AMPD2: variants seen among roughly 807,000 people sequenced by gnomAD.
The protein encoded by AMPD2 is AMP deaminase 2.
A neutral mutation model predicts 91.3 loss-of-function variants in AMPD2; 52 were observed. That is an observed-to-expected ratio of 0.57 (90% confidence interval 0.46 to 0.72). The LOEUF (loss-of-function observed/expected upper bound fraction) is 0.72. Ranked by LOEUF, AMPD2 falls within the 30% of genes least tolerant of loss-of-function variation. The pLI is 0.00. For synonymous variants in AMPD2, 455 were observed against 456.4 expected, an observed-to-expected ratio of 1.00 and a Z score of 0.04; for missense variants, 822 against 1,122.3, an observed-to-expected ratio of 0.73 and a Z score of 3.82.
At position 109,625,152 on chromosome 1, in the gene AMPD2, C is replaced by CA. The variant is rs1650552488; in HGVS notation, c.92-150dup. On this transcript the variant is annotated intron_variant, in intron 2 of 18. Coordinates refer to ENST00000528667, the MANE Select transcript of AMPD2 (RefSeq NM_001368809.2). The surrounding 1 kb of genome is among the most constrained non-coding windows in gnomAD (Gnocchi z 4.0). Reference sequence around the variant, plus strand: ...GTGAGGGTGAGCCCTTTGGGAGCCACACACACAGGCCTACTCCTCAGCTAC... The same window carrying CA: ...GTGAGGGTGAGCCCTTTGGGAGCCACAACACACAGGCCTACTCCTCAGCTAC... The CA allele has an allele frequency of 2.7e-6, 3 of 1,114,352 alleles. No homozygotes were observed. The highest frequency in any genetic ancestry group is 3.2e-5 in the South Asian group (2 of 61,770). The allele number at this position is 1,114,352 out of a possible 1,614,324, so 69.0% of individuals were successfully genotyped here.
At position 109,627,799 on chromosome 1, in the gene AMPD2, C is replaced by T. The variant is rs1402827183; in HGVS notation, c.976C>T (p.Gln326Ter). 1 of 1,614,166 alleles carries T rather than the reference C, an allele frequency of 6.2e-7. No homozygotes were observed. The highest frequency in any genetic ancestry group is 1.7e-5 in the Admixed American group (1 of 60,026). The change falls in exon 10 of 19, where the codon CAG becomes TAG. Residue 326 changes from glutamine to a stop codon, truncating the protein, a stop_gained. Transcript: ENST00000528667. LOFTEE classifies it high-confidence loss of function. The part of the protein sequence containing the change: ...PIKSFCYRRL[Q>*]YLSSKFQMHV... ...AAAGTCATTCTGCTACCGCCGGCTG[C>T]AGTACCTGAGCTCCAAGTTCCAGAT...
rs750235935 is a variant in AMPD2, at chr1:109,626,321, T to C, written c.425T>C (p.Leu142Pro). The C allele has an allele frequency of 1.2e-6, 2 of 1,613,434 alleles. No individual in the cohort carries two copies. Among genetic ancestry groups the C allele is most frequent in the African/African-American group, 1.3e-5 (1 of 74,952 alleles). The change falls in exon 6 of 19, where the codon CTC becomes CCC. Residue 142 changes from leucine (L) to proline (P), a missense_variant and splice_region_variant. Physicochemically the swap from Leu to Pro is moderately conservative, Grantham distance 98. Around this residue, in one of 5 missense-constraint regions of AMPD2, gnomAD observed 240 missense variants for 270.3 expected, o/e 0.89. Coordinates refer to ENST00000528667, the MANE Select transcript of AMPD2 (RefSeq NM_001368809.2). ...TCCCTTGAATGCACCCCCTGCAGGCTCTACAAGGAACAGGGTGAGGGGCAG... is the reference window on the plus strand; with the variant it reads ...TCCCTTGAATGCACCCCCTGCAGGCCCTACAAGGAACAGGGTGAGGGGCAG... ...LKTDSDSDLQ[L>P]YKEQGEGQGD...
Position 109,620,630 on chromosome 1 carries a change from G to C in AMPD2, c.-262-284G>C, listed in dbSNP as rs535581788. ...CCAGAGCTGGGCTACCCCGGGAGCT[G>C]AGGGTCAGATGTGGAAGGAAAGTGG... On this transcript the variant is annotated intron_variant, in intron 1 of 18. Coordinates refer to ENST00000528667, the MANE Select transcript of AMPD2 (RefSeq NM_001368809.2). 4 of 1,208,534 alleles carry C rather than the reference G, an allele frequency of 3.3e-6. No homozygotes were observed. In the African/African-American group the frequency reaches 4.7e-5, roughly 14 times the overall value. 74.9% of individuals were successfully genotyped at this position (1,208,534 alleles called of 1,614,324 possible). A position where few individuals can be genotyped will look rare whatever the true frequency, so the allele number is the denominator to read the frequency against.
At chr1:109,630,584 G>A in intron 17 of AMPD2, 99 bp from the exon 18 acceptor site, 1 of 822,642 alleles carries the variant, frequency 1.2e-6, no homozygotes. Flanking sequence ...TTGGGGGGAT[G>A]GGGGGGCGGG....
At position 109,625,402 on chromosome 1, in the gene AMPD2, C is replaced by A; in HGVS notation, c.191C>A (p.Ser64Tyr). The A allele has an allele frequency of 6.2e-7, 1 of 1,614,018 alleles. No homozygotes were observed. Among genetic ancestry groups the A allele is most frequent in the Non-Finnish European group, 8.5e-7 (1 of 1,179,998 alleles). Residue 64 changes from serine to tyrosine, a missense_variant, in exon 3 of 19, where the codon TCT becomes TAT. Physicochemically the swap from Ser to Tyr is moderately radical, Grantham distance 144. Around this residue, in one of 5 missense-constraint regions of AMPD2, gnomAD observed 105 missense variants for 125.0 expected, o/e 0.84. Coordinates refer to ENST00000528667, the MANE Select transcript of AMPD2 (RefSeq NM_001368809.2). The surrounding 1 kb of genome is among the most constrained non-coding windows in gnomAD (Gnocchi z 4.0). ...LKHFPLDLRT[S>Y]MDGKCKEIAE... ...CACTTCCCGCTCGACCTGCGCACGT[C>A]TATGGATGGCAAATGCAAGGAGATC...
rs1370569375 is a variant in AMPD2, at chr1:109,624,449, T to A, written c.92-854T>A. 6.6e-6 allele frequency among the ~76,000 whole-genome samples: 1 copy of A among 152,166 alleles called. No homozygotes were observed. The highest frequency in any genetic ancestry group is 1.5e-5 in the Non-Finnish European group (1 of 68,014). ...CCCTCTGGTGCCAGCCTCCTCGTGG[T>A]ACAGATGGAAAGTCTAGTCTTGATG... is the stretch of plus-strand genomic sequence containing the variant. On this transcript the variant is annotated intron_variant, in intron 2 of 18. Transcript: ENST00000528667. This position sits in a 1 kb window ranked among gnomAD's most constrained non-coding sequence, Gnocchi z 5.2.
Position 109,626,788 on chromosome 1 carries a change from G to T in AMPD2, c.594G>T (p.Glu198Asp). The part of the protein sequence containing the change: ...KSVVRALFIR[E>D]KYMALSLQSF... ...TGGTGCGGGCGCTCTTCATCCGGGAGAAGTACATGGCCCTGTCCCTGCAGA... is the reference window on the plus strand; with the variant it reads ...TGGTGCGGGCGCTCTTCATCCGGGATAAGTACATGGCCCTGTCCCTGCAGA... The change falls in exon 7 of 19, where the codon GAG (glutamate) becomes GAT (aspartate). Residue 198 changes from glutamate to aspartate, a missense_variant. Transcript: ENST00000528667. 6.2e-7 allele frequency: 1 copy of T among 1,613,844 alleles called. No homozygotes were observed. The highest frequency in any genetic ancestry group is 8.5e-7 in the Non-Finnish European group (1 of 1,179,888).
intron 6 of AMPD2, 50 bp from the exon 7 acceptor site, chr1:109,626,676 G>C: frequency 6.3e-7 from 1 of 1,576,872 alleles, no homozygotes. Flanking sequence ...TTAGGGAGGA[G>C]GTCTCTGAGT....
In AMPD2 at chr1:109,626,212, A is replaced by G. The variant is rs1650667049; in HGVS notation, c.406A>G (p.Ser136Gly). ...CAAGCAAGATTTCCTGAAGACGGACAGTGACTCGGACCTACAGTGAGGAGG... is the reference window on the plus strand; with the variant it reads ...CAAGCAAGATTTCCTGAAGACGGACGGTGACTCGGACCTACAGTGAGGAGG... ...RAKQDFLKTDSDSDLQLYKEQ... is the reference protein window; with the variant it reads ...RAKQDFLKTDGDSDLQLYKEQ... Residue 136 changes from serine (S) to glycine (G), a missense_variant, in exon 5 of 19, where the codon AGT becomes GGT. By Grantham distance (56) the Ser-to-Gly change is moderately conservative. Around this residue, in one of 5 missense-constraint regions of AMPD2, gnomAD observed 240 missense variants for 270.3 expected, o/e 0.89. Coordinates refer to ENST00000528667, the MANE Select transcript of AMPD2 (RefSeq NM_001368809.2). 1.1e-5 allele frequency: 17 copies of G among 1,614,084 alleles called. No individual in the cohort carries two copies. The highest frequency in any genetic ancestry group is 1.4e-5 in the Non-Finnish European group (16 of 1,180,034).
At position 109,627,417 on chromosome 1, in the gene AMPD2, C is replaced by T. The variant is rs1650800317; in HGVS notation, c.861-12C>T. 6.2e-7 allele frequency: 1 copy of T among 1,614,068 alleles called. No homozygotes were observed. Among genetic ancestry groups the T allele is most frequent in the African/African-American group, 1.3e-5 (1 of 75,014 alleles). ...GGCTTGCTCTCCTCACCCAAGCTCCCCTCCATGCCAGTTGCTCAGAGGTGG... is the reference window on the plus strand; with the variant it reads ...GGCTTGCTCTCCTCACCCAAGCTCCTCTCCATGCCAGTTGCTCAGAGGTGG... On this transcript the variant is annotated splice_polypyrimidine_tract_variant and intron_variant, in intron 8 of 18. Coordinates refer to ENST00000528667, the MANE Select transcript of AMPD2 (RefSeq NM_001368809.2).
Position 109,621,126 on chromosome 1 carries a change from C to A in AMPD2, c.-50C>A, listed in dbSNP as rs926767722. The A allele has an allele frequency of 5.1e-5, 81 of 1,598,694 alleles. No individual in the cohort carries two copies. Among genetic ancestry groups the A allele is most frequent in the Non-Finnish European group, 6.9e-5 (81 of 1,172,458 alleles). ...GGGTTGGATGTGGCAGAGCCAGGCC[C>A]CAGCCGGTGCCGCTCAGACTCCCCC... On this transcript the variant is annotated 5_prime_UTR_variant, in exon 2 of 19. Coordinates refer to ENST00000528667, the MANE Select transcript of AMPD2 (RefSeq NM_001368809.2).
Position 109,628,191 on chromosome 1 carries a change from G to C in AMPD2, c.1189G>C (p.Gly397Arg). Reference sequence around the variant, plus strand: ...GGAGGAGATCGTGCACGTGGAGCAGGGCCGTGAACAGACGCTGCGGGAGGT... The same window carrying C: ...GGAGGAGATCGTGCACGTGGAGCAGCGCCGTGAACAGACGCTGCGGGAGGT... ...HLEEIVHVEQ[G>R]REQTLREVFE... The change falls in exon 11 of 19, where the codon GGC (glycine) becomes CGC (arginine). Residue 397 changes from glycine (G) to arginine (R), a missense_variant. Around this residue, in one of 5 missense-constraint regions of AMPD2, gnomAD observed 430 missense variants for 606.0 expected, o/e 0.71. Coordinates refer to ENST00000528667, the MANE Select transcript of AMPD2 (RefSeq NM_001368809.2). The surrounding 1 kb of genome is among the most constrained non-coding windows in gnomAD (Gnocchi z 7.1). The C allele has an allele frequency of 2.5e-6, 4 of 1,614,040 alleles. No individual in the cohort carries two copies. Among genetic ancestry groups the C allele is most frequent in the Non-Finnish European group, 3.4e-6 (4 of 1,180,036 alleles).
Position 109,624,943 on chromosome 1 carries a change from G to A in AMPD2, c.92-360G>A, listed in dbSNP as rs896093368. Among the ~76,000 whole-genome samples, 1 of 152,172 alleles carries A rather than the reference G, an allele frequency of 6.6e-6. No individual in the cohort carries two copies. The highest frequency in any genetic ancestry group is 1.5e-5 in the Non-Finnish European group (1 of 68,012). Reference sequence around the variant, plus strand: ...TCTCTGAGGGTGTCTGTGTGCGTACGTGCATGTGTGTGCACACGTACACAC... The same window carrying A: ...TCTCTGAGGGTGTCTGTGTGCGTACATGCATGTGTGTGCACACGTACACAC... On this transcript the variant is annotated intron_variant, in intron 2 of 18. Coordinates refer to ENST00000528667, the MANE Select transcript of AMPD2 (RefSeq NM_001368809.2). This position sits in a 1 kb window ranked among gnomAD's most constrained non-coding sequence, Gnocchi z 5.2.
In AMPD2 at chr1:109,626,310, C is replaced by A. The variant is rs764193360; in HGVS notation, c.423-9C>A. The A allele has an allele frequency of 8.7e-6, 14 of 1,613,560 alleles. No homozygotes were observed. Among genetic ancestry groups the A allele is most frequent in the Non-Finnish European group, 1.1e-5 (13 of 1,179,654 alleles). ...CTCTAAACCCCTCCCTTGAATGCAC[C>A]CCCTGCAGGCTCTACAAGGAACAGG... On this transcript the variant is annotated splice_polypyrimidine_tract_variant and intron_variant, in intron 5 of 18. Coordinates refer to ENST00000528667, the MANE Select transcript of AMPD2 (RefSeq NM_001368809.2).
chr1:109,625,805 G>A lies in AMPD2; in HGVS notation c.353+13G>A. 6.2e-7 allele frequency: 1 copy of A among 1,613,910 alleles called. No individual in the cohort carries two copies. The highest frequency in any genetic ancestry group is 1.1e-5 in the South Asian group (1 of 91,070). ...GCCAGGATGTCAAGTGAGCCCGGCA[G>A]GCAGCTGCTTAGTCTCCCTCCATAC... is the stretch of plus-strand genomic sequence containing the variant. On this transcript the variant is annotated intron_variant, in intron 4 of 18. Coordinates refer to ENST00000528667, the MANE Select transcript of AMPD2 (RefSeq NM_001368809.2). This position sits in a 1 kb window ranked among gnomAD's most constrained non-coding sequence, Gnocchi z 4.0.
rs1043944844 is a variant in AMPD2, at chr1:109,619,952, A to G, written c.-589A>G. The G allele has an allele frequency of 4.7e-6, 2 of 422,894 alleles. No homozygotes were observed. The highest frequency in any genetic ancestry group is 8.9e-6 in the Non-Finnish European group (2 of 224,898). 26.2% of individuals were successfully genotyped at this position (422,894 alleles called of 1,614,324 possible). A position where few individuals can be genotyped will look rare whatever the true frequency, so the allele number is the denominator to read the frequency against. ...GACCCTGAATGCCCAGGGAGTGTTG[A>G]GAGAAATCTGGACGAGTTTCGGGTC... On this transcript the variant is annotated 5_prime_UTR_variant, in exon 1 of 19. The change abolishes the stop of an existing upstream ORF in the 5' untranslated region. Coordinates refer to ENST00000528667, the MANE Select transcript of AMPD2 (RefSeq NM_001368809.2).
chr1:109,628,578 G>C lies in AMPD2; in HGVS notation c.1408-65G>C. 1 of 1,611,246 alleles carries C rather than the reference G, an allele frequency of 6.2e-7. No individual in the cohort carries two copies. The highest frequency in any genetic ancestry group is 1.1e-5 in the South Asian group (1 of 90,862). On this transcript the variant is annotated intron_variant, in intron 12 of 18. Transcript: ENST00000528667. This position sits in a 1 kb window ranked among gnomAD's most constrained non-coding sequence, Gnocchi z 7.1. The stretch of plus-strand genomic sequence containing the variant: ...GGGTGAGACTCAAGGAGGGTAGGCA[G>C]ATGACCCCCTGAAGAGCTCTGACTC...
At chr1:109,626,623 G>A in intron 6 of AMPD2, 103 bp from the exon 7 acceptor site, 1 of 1,477,764 alleles carries the variant, frequency 6.8e-7, no homozygotes, top group Non-Finnish European at 9.2e-7. Context: ...TGGGGGTCAG[G>A]GCCTGTGGGA....
chr1:109,625,377 C>T lies in AMPD2; in HGVS notation c.166C>T (p.His56Tyr), dbSNP rs761669537. ...GCCGGGCCCCGCCCCCTGCCTCAAG[C>T]ACTTCCCGCTCGACCTGCGCACGTC... is the stretch of plus-strand genomic sequence containing the variant. ...SLPGPAPCLKHFPLDLRTSMD... is the reference protein window; with the variant it reads ...SLPGPAPCLKYFPLDLRTSMD... Residue 56 changes from histidine to tyrosine, a missense_variant, in exon 3 of 19, where the codon CAC becomes TAC. This residue lies in a region of AMPD2 where 105 missense variants were observed against 125.0 expected (regional missense o/e 0.84). Coordinates refer to ENST00000528667, the MANE Select transcript of AMPD2 (RefSeq NM_001368809.2). The surrounding 1 kb of genome is among the most constrained non-coding windows in gnomAD (Gnocchi z 4.0). 6.2e-7 allele frequency: 1 copy of T among 1,613,942 alleles called. No homozygotes were observed. Among genetic ancestry groups the T allele is most frequent in the Admixed American group, 1.7e-5 (1 of 60,024 alleles).
Sources: allele counts gnomAD v4.1 joint callset (sites outside exome capture counted in the v4.1 genomes callset), GRCh38; gene constraint gnomAD v4.1.1; regional missense constraint gnomAD v4.1.1; non-coding constraint Gnocchi (gnomAD v3.1); transcripts MANE v1.5; gene names NCBI Gene and HGNC (gene_info 2026-07-23, HGNC 2026-07-21).